SYT9: variants seen among roughly 807,000 people sequenced by gnomAD.
The protein encoded by SYT9 is synaptotagmin-9.
Under a neutral mutation model 48.4 loss-of-function variants are expected in SYT9, and 22 were observed. That is an observed-to-expected ratio of 0.45 (90% CI 0.32 to 0.65). The LOEUF is 0.65. Among genes scored for constraint, SYT9 ranks in the 30% least tolerant of loss-of-function variants. SYT9 has a pLI of 0.03. For synonymous variants in SYT9, 265 were observed against 245.0 expected, an observed-to-expected ratio of 1.08 and a Z score of -0.76; for missense variants, 577 against 622.0, an observed-to-expected ratio of 0.93 and a Z score of 0.77.
Position 7,282,035 on chromosome 11 carries a change from GT to G in SYT9, c.146-21002del, listed in dbSNP as rs150841394. 4.2e-3 allele frequency among the ~76,000 whole-genome samples: 638 copies of G among 152,258 alleles called. 3 individuals carry two copies. The highest frequency in any genetic ancestry group is 0.015 in the African/African-American group (606 of 41,552). On this transcript the variant is annotated intron_variant, in intron 1 of 6. Transcript: ENST00000318881. ...AAATATAAACACAAAATTGCTTTAAGTTGCTAACTGTTCTTCCTGCTGTGGA... is the reference window on the plus strand; with the variant it reads ...AAATATAAACACAAAATTGCTTTAAGTGCTAACTGTTCTTCCTGCTGTGGA...
intron 3 of SYT9, among the ~76,000 whole-genome samples, chr11:7,349,114 CA>C (rs900202123): frequency 1.3e-5 from 2 of 151,966 alleles, no homozygotes; most frequent in Non-Finnish European, 2.9e-5. Flanking sequence ...TAGGAGATTT[CA>C]AGTGGGCTCC....
intron 2 of SYT9, among the ~76,000 whole-genome samples, chr11:7,312,556 A>G (rs1473116875): frequency 6.6e-6 from 1 of 152,200 alleles, no homozygotes; most frequent in East Asian, 1.9e-4. Flanking sequence ...CTTTAAAGAG[A>G]ATTTTAGGGA....
Position 7,268,441 on chromosome 11 carries a change from C to T in SYT9, c.145+16110C>T, listed in dbSNP as rs990728395. 2.0e-5 allele frequency among the ~76,000 whole-genome samples: 3 copies of T among 151,774 alleles called. No homozygotes were observed. In the South Asian group the frequency reaches 6.2e-4, roughly 32 times the overall value. On this transcript the variant is annotated intron_variant, in intron 1 of 6. Transcript: ENST00000318881. ...ACACTAATATCAAATCTGACAAAGA[C>T]AATAGTAAAAAAATCTTGATACCAA...
chr11:7,239,931 T>A (rs1297329665), intron 1 of SYT9, among the ~76,000 whole-genome samples: 1 of 152,140 alleles, frequency 6.6e-6, no homozygotes, highest in Non-Finnish European at 1.5e-5. Flanking sequence ...ATACATGAAT[T>A]TGAAGCTAAG....
intron 3 of SYT9, among the ~76,000 whole-genome samples, chr11:7,323,496 C>T (rs1175794177): frequency 6.6e-6 from 1 of 151,900 alleles, no homozygotes; most frequent in Non-Finnish European, 1.5e-5. Context: ...ATTACAATCA[C>T]CAATACAAAT....
At chr11:7,376,012 C>G (rs1339853653) in intron 3 of SYT9, among the ~76,000 whole-genome samples, 1 of 152,074 alleles carries the variant, frequency 6.6e-6, no homozygotes, top group African/African-American at 2.4e-5. Context: ...TGGGTGCTGT[C>G]TCCCTTTTCT....
At chr11:7,457,308 C>T (rs866001254) in intron 6 of SYT9, 7 of 152,230 alleles carry the variant, frequency 4.6e-5, no homozygotes, top group Non-Finnish European at 7.3e-5. Context: ...AAATGCTTCT[C>T]GTCTGTGCTA....
intron 3 of SYT9, among the ~76,000 whole-genome samples, chr11:7,383,445 G>A (rs567785807): frequency 5.8e-4 from 88 of 152,196 alleles, no homozygotes; most frequent in Non-Finnish European, 1.2e-3. Flanking sequence ...GGCTACTGAG[G>A]GTGCAACACA....
chr11:7,413,365 G>A (rs1355925519), intron 3 of SYT9, among the ~76,000 whole-genome samples: 2 of 152,168 alleles, frequency 1.3e-5, no homozygotes, highest in African/African-American at 4.8e-5. Context: ...TCACTGTGCT[G>A]CTCAGGGCTT....
intron 2 of SYT9, among the ~76,000 whole-genome samples, chr11:7,309,472 C>T (rs1226823125): frequency 6.6e-6 from 1 of 152,166 alleles, no homozygotes; most frequent in East Asian, 1.9e-4. Context: ...CCCTCAATGT[C>T]ATTGTCCTTG....
At chr11:7,351,546 G>A (rs1292331748) in intron 3 of SYT9, among the ~76,000 whole-genome samples, 1 of 152,142 alleles carries the variant, frequency 6.6e-6, no homozygotes, top group Non-Finnish European at 1.5e-5. Flanking sequence ...TTGATTTTAT[G>A]GGGAAAGAAA....
upstream of SYT9, among the ~76,000 whole-genome samples, chr11:7,249,185 A>G (rs976466552): frequency 2.5e-4 from 38 of 152,108 alleles, no homozygotes; most frequent in African/African-American, 9.2e-4. Flanking sequence ...TTTACAGTTC[A>G]CTCTATAGCA....
chr11:7,349,197 G>A (rs1444174207), intron 3 of SYT9, among the ~76,000 whole-genome samples: 2 of 152,210 alleles, frequency 1.3e-5, no homozygotes, highest in Non-Finnish European at 1.5e-5. Flanking sequence ...CGGGGACTGG[G>A]GGGAGGGGAA....
rs759505535 is a variant in SYT9, at chr11:7,416,091, C to A, written c.1094C>A (p.Thr365Lys). 6.2e-7 allele frequency: 1 copy of A among 1,614,110 alleles called. No individual in the cohort carries two copies. The highest frequency in any genetic ancestry group is 8.5e-7 in the Non-Finnish European group (1 of 1,180,020). The change falls in exon 4 of 7, where the codon ACG (threonine) becomes AAG (lysine). Residue 365 changes from threonine (T) to lysine (K), a missense_variant. Thr to Lys is a moderately conservative substitution (Grantham distance 78, BLOSUM62 -1). Coordinates refer to ENST00000318881, the MANE Select transcript of SYT9 (RefSeq NM_175733.4). ...ELMFSLCYLP[T>K]AGRLTITIIK... ...ATGTTTTCCCTGTGCTATCTTCCAA[C>A]GGCTGGCAGGCTGACCATTACCATT... is the stretch of plus-strand genomic sequence containing the variant.
rs964574991 is a variant in SYT9, at chr11:7,406,524, G to T, written c.1045-9518G>T. ...TCATTCTTTTTTATGGCTGAATAAT[G>T]TTCAATTGCGCATATATATATATAT... On this transcript the variant is annotated intron_variant, in intron 3 of 6. Coordinates refer to ENST00000318881, the MANE Select transcript of SYT9 (RefSeq NM_175733.4). Among the ~76,000 whole-genome samples, 23 of 117,626 alleles carry T rather than the reference G, an allele frequency of 2.0e-4. No homozygotes were observed. In the South Asian group the frequency reaches 2.7e-3, roughly 14 times the overall value. 77.2% of individuals were successfully genotyped at this position (117,626 alleles called of 152,430 possible).
intron 3 of SYT9, among the ~76,000 whole-genome samples, chr11:7,347,797 G>A (rs1392343800): frequency 6.6e-6 from 1 of 152,206 alleles, no homozygotes; most frequent in African/African-American, 2.4e-5. Flanking sequence ...TGAGGACAGA[G>A]CGTGAAAGAG....
chr11:7,243,626 C>T (rs1313782951), intron 1 of SYT9, among the ~76,000 whole-genome samples: 1 of 152,192 alleles, frequency 6.6e-6, no homozygotes. Flanking sequence ...CATAAAAGTG[C>T]ACATTTACTT....
intron 3 of SYT9, among the ~76,000 whole-genome samples, chr11:7,339,520 T>G (rs751111980): frequency 1.3e-5 from 2 of 152,206 alleles, no homozygotes; most frequent in Non-Finnish European, 2.9e-5. Flanking sequence ...TAGTGTTCCT[T>G]TCAAGATCTT....
chr11:7,241,255 C>A (rs960583354), intron 1 of SYT9, among the ~76,000 whole-genome samples: 7 of 151,146 alleles, frequency 4.6e-5, no homozygotes, highest in Non-Finnish European at 1.0e-4. Flanking sequence ...CTCACCCCCC[C>A]CACACACAGC....
Sources: gnomAD v4.1 joint callset for allele counts (sites outside exome capture counted in the v4.1 genomes callset) on GRCh38, gnomAD v4.1.1 for gene constraint, MANE v1.5 for transcripts, NCBI Gene and HGNC (gene_info 2026-07-23, HGNC 2026-07-21) for gene names.